The following CLINT1 variants were observed in gnomAD, a reference collection of about 807,000 sequenced individuals.
CLINT1 encodes clathrin interacting protein localized in the trans-Golgi region.
In CLINT1, 15 loss-of-function variants were observed where a neutral mutation model predicts 70.4. That is an observed-to-expected ratio of 0.21 (90% confidence interval 0.14 to 0.33). The LOEUF is 0.33. CLINT1 is among the 10% of genes least tolerant of loss of function. The pLI, the probability that CLINT1 is intolerant of heterozygous loss-of-function variation, is 1.00. For missense variants in CLINT1, 615 were observed against 778.1 expected (o/e 0.79, Z 2.49); for synonymous variants, 227 against 254.7 (o/e 0.89, Z 1.04).
In CLINT1 at chr5:157,857,075, C is replaced by T. The variant is rs377367030; in HGVS notation, c.41+1855G>A. On this transcript the variant is annotated intron_variant, in intron 1 of 11. Coordinates refer to ENST00000411809, the MANE Select transcript of CLINT1 (RefSeq NM_014666.4). ...TTCTTAATGGTTTTATTCTTCTGAC[C>T]TCTGACTGAGAAATAAGGAGGCAGT... Among the ~76,000 whole-genome samples the T allele has an allele frequency of 8.4e-4, 127 of 151,996 alleles. 1 individual carries two copies. Among genetic ancestry groups the T allele is most frequent in the African/African-American group, 2.7e-3 (113 of 41,452 alleles).
chr5:157,846,766 G>A (rs1050879860), intron 1 of CLINT1, among the ~76,000 whole-genome samples: 28 of 152,156 alleles, frequency 1.8e-4, no homozygotes, highest in African/African-American at 6.3e-4. Context: ...ACGCAGCTGT[G>A]AGCCAGTGCT....
At chr5:157,854,186 C>A (rs1225263337) in intron 1 of CLINT1, among the ~76,000 whole-genome samples, 1 of 152,136 alleles carries the variant, frequency 6.6e-6, no homozygotes, top group Non-Finnish European at 1.5e-5. Flanking sequence ...GGGATGATAT[C>A]TGAAGACTGA....
chr5:157,790,103 G>C lies in CLINT1; in HGVS notation c.1381-590C>G, dbSNP rs147011292. 414 of 162,916 alleles carry C rather than the reference G, an allele frequency of 2.5e-3. 2 individuals carry two copies. Among genetic ancestry groups the C allele is most frequent in the Admixed American group, 5.7e-3 (98 of 17,070 alleles). The allele number at this position is 162,916 out of a possible 1,614,324, so 10.1% of individuals were successfully genotyped here. ...TAGTCCCAGCTACTTGGGAGGCTAA[G>C]GCAGGAGAATCACTTTGAACCAAGG... is the stretch of plus-strand genomic sequence containing the variant. On this transcript the variant is annotated intron_variant, in intron 10 of 11. Transcript: ENST00000411809.
intron 1 of CLINT1, among the ~76,000 whole-genome samples, chr5:157,840,939 C>A (rs1293852774): frequency 6.6e-6 from 1 of 151,888 alleles, no homozygotes; most frequent in African/African-American, 2.4e-5. Context: ...AAGTAACATA[C>A]ACTTGGAACA....
intron 1 of CLINT1, among the ~76,000 whole-genome samples, chr5:157,837,822 T>C (rs1443523824): frequency 6.6e-6 from 1 of 151,870 alleles, no homozygotes; most frequent in African/African-American, 2.4e-5. Context: ...TTTTGTGTTT[T>C]TAGTAGAGAC....
At chr5:157,812,972 A>G in intron 5 of CLINT1, 91 bp downstream of exon 5, 1 of 1,236,500 alleles carries the variant, frequency 8.1e-7, no homozygotes. Flanking sequence ...AAAGAAAATT[A>G]GCATTTTGGT....
At chr5:157,828,571 G>C (rs183127752) in intron 1 of CLINT1, among the ~76,000 whole-genome samples, 45 of 152,240 alleles carry the variant, frequency 3.0e-4, no homozygotes, top group African/African-American at 1.0e-3. Context: ...GTAATAACTA[G>C]AGTGGGTTGA....
chr5:157,805,176 C>G (rs1367095613), intron 7 of CLINT1, among the ~76,000 whole-genome samples: 1 of 152,184 alleles, frequency 6.6e-6, no homozygotes, highest in Non-Finnish European at 1.5e-5. Flanking sequence ...CATTAGAAAA[C>G]TGTTTTTCCC....
chr5:157,840,192 CAAAAAAAAAA>C (rs57245921), intron 1 of CLINT1, among the ~76,000 whole-genome samples: 24 of 55,334 alleles, frequency 4.3e-4, no homozygotes, highest in Admixed American at 9.3e-4. Flanking sequence ...GAGACTGCCT[CAAAAAAAAAA>C]AAAAAAAAAA....
At position 157,787,343 on chromosome 5, in the gene CLINT1, C is replaced by T. The variant is rs1761755562; in HGVS notation, c.*303G>A. 5 of 350,794 alleles carry T rather than the reference C, an allele frequency of 1.4e-5. No individual in the cohort carries two copies. Among genetic ancestry groups the T allele is most frequent in the Non-Finnish European group, 5.2e-6 (1 of 192,926 alleles). 21.7% of individuals were successfully genotyped at this position (350,794 alleles called of 1,614,324 possible). A position where few individuals can be genotyped will look rare whatever the true frequency, so the allele number is the denominator to read the frequency against. ...ATTTATTCAGCCCTATTCCAGTCTT[C>T]CCACAAATTATGCTGTTAAATGGAC... On this transcript the variant is annotated 3_prime_UTR_variant, in exon 12 of 12. Transcript: ENST00000411809.
At chr5:157,789,207 C>G (rs909599883) in intron 11 of CLINT1, among the ~76,000 whole-genome samples, 156 bp downstream of exon 11, 2 of 151,992 alleles carry the variant, frequency 1.3e-5, no homozygotes, top group African/African-American at 4.8e-5. Context: ...GAGGAATACC[C>G]AGTAAATATT....
chr5:157,851,138 GCAAA>G (rs111792257), intron 1 of CLINT1, among the ~76,000 whole-genome samples: 20,363 of 151,572 alleles, frequency 0.13, 1,785 homozygotes, highest in African/African-American at 0.25. Context: ...AAAACAAATG[GCAAA>G]CAAACAAACA....
chr5:157,855,952 T>C (rs1753745465), intron 1 of CLINT1, among the ~76,000 whole-genome samples: 1 of 151,382 alleles, frequency 6.6e-6, no homozygotes, highest in Non-Finnish European at 1.5e-5. Flanking sequence ...AAAAAAGAAA[T>C]ACATCATTAC....
intron 1 of CLINT1, among the ~76,000 whole-genome samples, chr5:157,840,192 CA>C (rs57245921): frequency 0.18 from 9,714 of 54,818 alleles, 175 homozygotes; most frequent in Non-Finnish European, 0.21. Context: ...GAGACTGCCT[CA>C]AAAAAAAAAA....
At position 157,813,038 on chromosome 5, in the gene CLINT1, G is replaced by A. The variant is rs530450922; in HGVS notation, c.517+25C>T. On this transcript the variant is annotated intron_variant, in intron 5 of 11. Transcript: ENST00000411809. ...CTCAAGAAGCTAAGCTGATGCTTAG[G>A]TGTCAGCTTGTCTTTGATACTCACT... 6 of 1,604,866 alleles carry A rather than the reference G, an allele frequency of 3.7e-6. No homozygotes were observed. In the South Asian group the frequency reaches 4.4e-5, roughly 12 times the overall value.
intron 11 of CLINT1, among the ~76,000 whole-genome samples, chr5:157,788,570 C>G (rs575417571): frequency 1.3e-5 from 2 of 152,300 alleles, no homozygotes; most frequent in Admixed American, 1.3e-4. Flanking sequence ...AGCTAACAAT[C>G]ATTTTCCTAA....
At chr5:157,851,853 G>C (rs979390138) in intron 1 of CLINT1, among the ~76,000 whole-genome samples, 27 of 152,042 alleles carry the variant, frequency 1.8e-4, no homozygotes, top group African/African-American at 6.0e-4. Flanking sequence ...CTATAAATTG[G>C]CTCAAACATA....
At position 157,847,180 on chromosome 5, in the gene CLINT1, C is replaced by T. The variant is rs117059243; in HGVS notation, c.41+11750G>A. Among the ~76,000 whole-genome samples the T allele has an allele frequency of 8.5e-4, 129 of 152,282 alleles. 3 individuals carry two copies. In the East Asian group the frequency reaches 0.023, roughly 27 times the overall value. On this transcript the variant is annotated intron_variant, in intron 1 of 11. Transcript: ENST00000411809. ...CTGGGAAAAGTAAATTGAAAACCTTCTGGAAAGAATTCACCATACTAGTTT... is the reference window on the plus strand; with the variant it reads ...CTGGGAAAAGTAAATTGAAAACCTTTTGGAAAGAATTCACCATACTAGTTT...
intron 8 of CLINT1, 122 bp from the exon 9 acceptor site, chr5:157,795,094 G>T: frequency 1.4e-6 from 1 of 720,092 alleles, no homozygotes; most frequent in Non-Finnish European, 2.4e-6. Context: ...CCTCACAAAA[G>T]CTAAAGCTAG....
Sources: gnomAD v4.1 joint callset for allele counts (sites outside exome capture counted in the v4.1 genomes callset) on GRCh38, gnomAD v4.1.1 for gene constraint, MANE v1.5 for transcripts, NCBI Gene and HGNC (gene_info 2026-07-23, HGNC 2026-07-21) for gene names.